The following CHID1 variants were observed in gnomAD, a reference collection of about 807,000 sequenced individuals.
CHID1 encodes chitinase domain containing 1.
In CHID1, 44 loss-of-function variants were observed where a neutral mutation model predicts 55.4. That is an observed-to-expected ratio of 0.79 (90% CI 0.62 to 1.02). The LOEUF (loss-of-function observed/expected upper bound fraction) is 1.02, where lower values mean the gene tolerates loss of function less well. CHID1 is among the 50% of genes least tolerant of loss of function. The pLI is 0.00. For synonymous variants in CHID1, 216 were observed against 212.9 expected, an observed-to-expected ratio of 1.01 and a Z score of -0.13; for missense variants, 491 against 515.3, an observed-to-expected ratio of 0.95 and a Z score of 0.46.
intron 8 of CHID1, among the ~76,000 whole-genome samples, chr11:892,866 G>A (rs1177565948): frequency 6.6e-6 from 1 of 152,372 alleles, no homozygotes; most frequent in East Asian, 1.9e-4. Context: ...GGCATGGCCG[G>A]CCTGTGCTGG....
At chr11:893,674 A>T (rs914051468) in intron 7 of CHID1, among the ~76,000 whole-genome samples, 155 bp from the exon 8 acceptor site, 3 of 152,118 alleles carry the variant, frequency 2.0e-5, no homozygotes, top group Non-Finnish European at 2.9e-5. Context: ...CTTCCTATCC[A>T]TCTCTGGATG....
intron 8 of CHID1, 55 bp from the exon 9 acceptor site, chr11:884,224 C>T: frequency 6.9e-7 from 1 of 1,438,910 alleles, no homozygotes; most frequent in Non-Finnish European, 9.7e-7. Flanking sequence ...TGAAGCCCCT[C>T]CCCAGCTGCG....
chr11:883,374 C>T, intron 9 of CHID1, 71 bp from the exon 10 acceptor site: 2 of 1,474,182 alleles, frequency 1.4e-6, no homozygotes, highest in South Asian at 2.4e-5. Context: ...TTGGGGCCCT[C>T]CACTGAGGGG....
Position 870,004 on chromosome 11 carries a change from A to G in CHID1, c.1084-48T>C, listed in dbSNP as rs746685245. ...GCACCTGCTGGGGCCTGTCCCCCCA[A>G]CACCCAGGGATGTCCTCCAGGCCGA... On this transcript the variant is annotated intron_variant, in intron 12 of 12. Transcript: ENST00000323578. 5 of 1,606,524 alleles carry G rather than the reference A, an allele frequency of 3.1e-6. No homozygotes were observed. The South Asian group carries it at 5.5e-5, about 18-fold the overall frequency.
At chr11:882,814 A>C (rs1377850038) in intron 10 of CHID1, among the ~76,000 whole-genome samples, 1 of 152,230 alleles carries the variant, frequency 6.6e-6, no homozygotes, top group Non-Finnish European at 1.5e-5. Context: ...CGGGCAGAGG[A>C]GAGGAGGAGG....
At chr11:896,554 C>T (rs1488867739) in intron 7 of CHID1, among the ~76,000 whole-genome samples, 3 of 126,906 alleles carry the variant, frequency 2.4e-5, no homozygotes, top group Admixed American at 1.5e-4. Flanking sequence ...TCAGCACCCC[C>T]AGCCTCCACC....
intron 8 of CHID1, among the ~76,000 whole-genome samples, chr11:889,845 C>T (rs1300151718): frequency 6.6e-6 from 1 of 152,234 alleles, no homozygotes; most frequent in African/African-American, 2.4e-5. Flanking sequence ...GGCATCTGCC[C>T]CCAGCAGCCA....
At chr11:914,322 G>T (rs1455167302), upstream of CHID1, 2 of 275,344 alleles carry the variant, frequency 7.3e-6, no homozygotes, top group Non-Finnish European at 1.4e-5. Flanking sequence ...GGTGTGGAGT[G>T]CCCTGGCGGA....
At chr11:914,891 A>C, upstream of CHID1, 1 of 304,664 alleles carries the variant, frequency 3.3e-6, no homozygotes, top group South Asian at 2.7e-5. Flanking sequence ...GGCCCTTCCC[A>C]ACAGTGGCAG....
In CHID1 at chr11:882,826, G is replaced by GCATTC. The variant is rs566762845; in HGVS notation, c.959+317_959+321dup. 7.2e-5 allele frequency among the ~76,000 whole-genome samples: 11 copies of GCATTC among 152,342 alleles called. No individual in the cohort carries two copies. The South Asian group carries it at 2.3e-3, about 32-fold the overall frequency. ...TCCCGGGCAGAGGAGAGGAGGAGGA[G>GCATTC]CATTCAACCCAGGAGGCCCCGGCCC... On this transcript the variant is annotated intron_variant, in intron 10 of 12. Coordinates refer to ENST00000323578, the MANE Select transcript of CHID1 (RefSeq NM_023947.4).
upstream of CHID1, chr11:911,217 C>T (rs1451438848): frequency 6.6e-6 from 1 of 151,914 alleles, no homozygotes; most frequent in African/African-American, 2.4e-5. Context: ...CCCGGGGACC[C>T]GGAGTCACCA....
At chr11:872,967 C>G (rs1437102638) in intron 10 of CHID1, among the ~76,000 whole-genome samples, 1 of 152,166 alleles carries the variant, frequency 6.6e-6, no homozygotes, top group Non-Finnish European at 1.5e-5. Context: ...GGAGCCCCAG[C>G]CTGGTGGTTT....
rs1185349867 is a variant in CHID1 at position 895,077 on chromosome 11, T to TA, written c.609-1559dup. ...AGGCTGTCACACACTGTGCGCCACT[T>TA]AGAGGTGGTGGTCAAGGAGGGTGCT... On this transcript the variant is annotated intron_variant, in intron 7 of 12. Coordinates refer to ENST00000323578, the MANE Select transcript of CHID1 (RefSeq NM_023947.4). 4.6e-5 allele frequency among the ~76,000 whole-genome samples: 7 copies of TA among 152,234 alleles called. No individual in the cohort carries two copies. The East Asian group carries it at 1.4e-3, about 29-fold the overall frequency.
intron 10 of CHID1, among the ~76,000 whole-genome samples, chr11:872,091 AAC>A (rs1849215586): frequency 6.6e-6 from 1 of 152,316 alleles, no homozygotes; most frequent in South Asian, 2.1e-4. Context: ...GACCCCGGCA[AAC>A]ACATGGCAGG....
chr11:869,421 T>G lies in CHID1; in HGVS notation c.*437A>C. 1 of 193,360 alleles carries G rather than the reference T, an allele frequency of 5.2e-6. No individual in the cohort carries two copies. Among genetic ancestry groups the G allele is most frequent in the Non-Finnish European group, 1.1e-5 (1 of 93,384 alleles). 12.0% of individuals were successfully genotyped at this position (193,360 alleles called of 1,614,324 possible). A position where few individuals can be genotyped will look rare whatever the true frequency, so the allele number is the denominator to read the frequency against. ...GGGGTGGAGCTCTCAGCTCTATCAC[T>G]GCCAGGCCCTGGGGTGATGCTGGGC... On this transcript the variant is annotated 3_prime_UTR_variant, in exon 13 of 13. Coordinates refer to ENST00000323578, the MANE Select transcript of CHID1 (RefSeq NM_023947.4).
intron 3 of CHID1, 25 bp downstream of exon 3, chr11:902,937 C>T: frequency 6.2e-7 from 1 of 1,609,894 alleles, no homozygotes. Context: ...GGACCTCCCT[C>T]TGCACTGTGA....
chr11:892,832 C>T (rs1355297745), intron 8 of CHID1, among the ~76,000 whole-genome samples: 1 of 152,228 alleles, frequency 6.6e-6, no homozygotes, highest in Non-Finnish European at 1.5e-5. Flanking sequence ...AAGCTGCCTC[C>T]TTAGCCAGGG....
chr11:887,068 C>T (rs934867420), intron 8 of CHID1, among the ~76,000 whole-genome samples: 2 of 152,162 alleles, frequency 1.3e-5, no homozygotes, highest in Non-Finnish European at 2.9e-5. Context: ...GGGTCTTGCT[C>T]TGTTGCCCAG....
At chr11:872,917 G>T (rs1017572716) in intron 10 of CHID1, among the ~76,000 whole-genome samples, 24 of 152,192 alleles carry the variant, frequency 1.6e-4, no homozygotes, top group Non-Finnish European at 2.5e-4. Context: ...GAGGCTGGGG[G>T]TGGCCAGGAC....
Sources: gnomAD v4.1 joint callset for allele counts (sites outside exome capture counted in the v4.1 genomes callset) on GRCh38, gnomAD v4.1.1 for gene constraint, MANE v1.5 for transcripts, NCBI Gene and HGNC (gene_info 2026-07-23, HGNC 2026-07-21) for gene names.